CRB1: variants seen among roughly 807,000 people sequenced by gnomAD.
The protein encoded by CRB1 is protein crumbs homolog 1.
In CRB1, 83 loss-of-function variants were observed where a neutral mutation model predicts 120.0. The ratio of observed to expected loss-of-function variants is 0.69; its 90% CI spans 0.58 to 0.83. The LOEUF (loss-of-function observed/expected upper bound fraction) is 0.83, where lower values mean the gene tolerates loss of function less well. CRB1 is among the 40% of genes least tolerant of loss of function. The probability of loss-of-function intolerance (pLI) is 0.00; values close to 1 mark genes in which losing one functional copy is unlikely to be tolerated. For synonymous variants in CRB1, 625 were observed against 612.5 expected (o/e 1.02, Z -0.30); for missense variants, 1,699 against 1,687.6 (o/e 1.01, Z -0.12).
At chr1:197,255,239 C>T in the CRB1 span, among the ~76,000 whole-genome samples, 1 of 152,086 alleles carries the variant, frequency 6.6e-6, no homozygotes, top group African/African-American at 2.4e-5. Flanking sequence ...TCTCTTCCCA[C>T]ACTTTGATGG....
At chr1:197,277,613 T>G (rs1655286253) in intron 1 of CRB1, among the ~76,000 whole-genome samples, 1 of 152,016 alleles carries the variant, frequency 6.6e-6, no homozygotes, top group Non-Finnish European at 1.5e-5. Context: ...GGTGATGCAT[T>G]ATTATTATTG....
At chr1:197,258,371 A>C in the CRB1 span, among the ~76,000 whole-genome samples, 1 of 152,126 alleles carries the variant, frequency 6.6e-6, no homozygotes, top group Non-Finnish European at 1.5e-5. Flanking sequence ...TGTTTTCTGC[A>C]CAACCCATCT....
intron 1 of CRB1, among the ~76,000 whole-genome samples, chr1:197,283,960 T>TA (rs1455920098): frequency 6.6e-6 from 1 of 151,878 alleles, no homozygotes; most frequent in African/African-American, 2.4e-5. Context: ...ATTAGAAAAA[T>TA]ACCAGTTTCA....
rs148906363 is a variant in CRB1, at chr1:197,448,993, T to C, written c.4005+6701T>C. ...TTTTAATGAGGATAAATGCATAGTG[T>C]AGCTAGAATAAAATTTATCATGATA... On this transcript the variant is annotated intron_variant, in intron 11 of 11. Transcript: ENST00000367400. Among the ~76,000 whole-genome samples, 18 of 152,332 alleles carry C rather than the reference T, an allele frequency of 1.2e-4. No homozygotes were observed. The East Asian group carries it at 3.5e-3, about 29-fold the overall frequency.
At chr1:197,256,355 T>C in the CRB1 span, among the ~76,000 whole-genome samples, 2 of 151,936 alleles carry the variant, frequency 1.3e-5, no homozygotes, top group African/African-American at 4.8e-5. Context: ...TTTATTATTA[T>C]TATTTTTTAT....
chr1:197,235,158 T>C, the CRB1 span, among the ~76,000 whole-genome samples: 21 of 152,232 alleles, frequency 1.4e-4, no homozygotes, highest in African/African-American at 4.8e-4. Flanking sequence ...GTGGCCCTAT[T>C]TGCCCTCCTG....
the CRB1 span, among the ~76,000 whole-genome samples, chr1:197,256,932 CGTGTGT>C: frequency 0.11 from 14,924 of 141,416 alleles, 788 homozygotes; most frequent in Middle Eastern, 0.19. Context: ...ATAGGATTTG[CGTGTGT>C]GTGTGTGTGT....
intron 1 of CRB1, among the ~76,000 whole-genome samples, chr1:197,282,161 C>T (rs1433151179): frequency 1.3e-5 from 2 of 151,220 alleles, no homozygotes; most frequent in African/African-American, 4.9e-5. Context: ...TAAAAAATAA[C>T]TATGTCACAT....
chr1:197,400,304 C>CT (rs200472313), intron 5 of CRB1, among the ~76,000 whole-genome samples: 2,786 of 127,038 alleles, frequency 0.022, 42 homozygotes, highest in African/African-American at 0.05. Context: ...AATGTAAGAG[C>CT]TTTTTTTTTT....
Position 197,272,700 on chromosome 1 carries a change from C to A in CRB1, c.70+4218C>A, listed in dbSNP as rs970982804. ...CAGAAAGGCTACATATTGTATGATT[C>A]CAATTTTATAGCATCCTGTAAAAGA... On this transcript the variant is annotated intron_variant, in intron 1 of 11. Coordinates refer to ENST00000367400, the MANE Select transcript of CRB1 (RefSeq NM_201253.3). Among the ~76,000 whole-genome samples the A allele has an allele frequency of 5.3e-5, 8 of 152,194 alleles. No homozygotes were observed. The East Asian group carries it at 1.4e-3, about 26-fold the overall frequency.
chr1:197,206,782 T>G, the CRB1 span, among the ~76,000 whole-genome samples: 1 of 152,178 alleles, frequency 6.6e-6, no homozygotes, highest in Non-Finnish European at 1.5e-5. Context: ...AAATCCATTT[T>G]TTCTTTGTTT....
intron 5 of CRB1, among the ~76,000 whole-genome samples, chr1:197,359,156 A>T (rs1300225631): frequency 1.3e-5 from 2 of 152,204 alleles, no homozygotes; most frequent in Non-Finnish European, 2.9e-5. Flanking sequence ...TTCAGCTATC[A>T]GACTTGCATA....
intron 11 of CRB1, among the ~76,000 whole-genome samples, chr1:197,447,620 T>G (rs1427209113): frequency 6.6e-6 from 1 of 151,852 alleles, no homozygotes; most frequent in African/African-American, 2.4e-5. Context: ...TGCAGTAAGA[T>G]CACTTGAGTC....
the CRB1 span, among the ~76,000 whole-genome samples, chr1:197,233,120 C>T: frequency 3.3e-5 from 5 of 151,926 alleles, no homozygotes; most frequent in African/African-American, 9.7e-5. Context: ...AACTGCATCC[C>T]CATGTGGCCA....
chr1:197,405,312 G>A (rs1441437589), intron 5 of CRB1, among the ~76,000 whole-genome samples: 2 of 152,144 alleles, frequency 1.3e-5, no homozygotes, highest in African/African-American at 4.8e-5. Flanking sequence ...TCCTAACCGC[G>A]AGTGATCCGC....
chr1:197,210,332 A>G, the CRB1 span, among the ~76,000 whole-genome samples: 1 of 152,116 alleles, frequency 6.6e-6, no homozygotes, highest in African/African-American at 2.4e-5. Context: ...AAAGAAAATT[A>G]CCCTCCATAA....
At chr1:197,243,209 G>A in the CRB1 span, among the ~76,000 whole-genome samples, 6 of 151,592 alleles carry the variant, frequency 4.0e-5, no homozygotes, top group East Asian at 1.9e-4. Flanking sequence ...ATTTATTGTC[G>A]TTTGCTGACT....
At chr1:197,250,795 G>A in the CRB1 span, among the ~76,000 whole-genome samples, 2 of 151,994 alleles carry the variant, frequency 1.3e-5, no homozygotes, top group African/African-American at 4.8e-5. Flanking sequence ...GCCTCAGGGA[G>A]GAGCTGCACC....
the CRB1 span, among the ~76,000 whole-genome samples, chr1:197,209,102 C>T: frequency 1.3e-5 from 2 of 152,150 alleles, no homozygotes; most frequent in African/African-American, 4.8e-5. Context: ...AAGTTTATTT[C>T]CAGATGGCAT....
Sources: gnomAD v4.1 joint callset for allele counts (sites outside exome capture counted in the v4.1 genomes callset) on GRCh38, gnomAD v4.1.1 for gene constraint, MANE v1.5 for transcripts, NCBI Gene and HGNC (gene_info 2026-07-23, HGNC 2026-07-21) for gene names.